The following NBEAL1 variants were observed in gnomAD, a reference collection of about 807,000 sequenced individuals.
NBEAL1 encodes neurobeachin-like protein 1.
NBEAL1 carries 273 observed loss-of-function variants against 351.3 expected under a neutral mutation model. The observed-to-expected ratio is 0.78, with a 90% CI of 0.70 to 0.86. NBEAL1 has a LOEUF of 0.86. Among genes scored for constraint, NBEAL1 ranks in the 40% least tolerant of loss-of-function variants. The probability of loss-of-function intolerance (pLI) is 0.00; values close to 1 mark genes in which losing one functional copy is unlikely to be tolerated. For synonymous variants in NBEAL1, 1,050 were observed against 1,086.4 expected (o/e 0.97, Z 0.66); for missense variants, 2,961 against 3,201.3 (o/e 0.92, Z 1.81).
intron 40 of NBEAL1, 118 bp from the exon 41 acceptor site, chr2:203,172,611 G>GA (rs1464219390): frequency 1.2e-5 from 10 of 853,506 alleles, no homozygotes; most frequent in Non-Finnish European, 1.5e-5. Context: ...TTACAACAGG[G>GA]AAAAAATATT....
chr2:203,211,709 A>G (rs1252293983), intron 54 of NBEAL1, among the ~76,000 whole-genome samples: 1 of 152,216 alleles, frequency 6.6e-6, no homozygotes, highest in Admixed American at 6.5e-5. Flanking sequence ...TGTATTATGG[A>G]TTTGGAAATT....
At position 203,209,096 on chromosome 2, in the gene NBEAL1, C is replaced by T. The variant is rs185593917; in HGVS notation, c.7624-65C>T. ...ACATTTCTTTATCTGGCCCACTCTA[C>T]TTTTATTCTTTTTTGCTGTTCTTTT... On this transcript the variant is annotated intron_variant, in intron 52 of 55. Coordinates refer to ENST00000683969, the MANE Select transcript of NBEAL1 (RefSeq NM_001378026.1). 841 of 1,343,910 alleles carry T rather than the reference C, an allele frequency of 6.3e-4. 5 individuals carry two copies. In the African/African-American group the frequency reaches 0.01, roughly 17 times the overall value. 83.2% of individuals were successfully genotyped at this position (1,343,910 alleles called of 1,614,324 possible).
chr2:203,184,386 G>A lies in NBEAL1; in HGVS notation c.6705+998G>A, dbSNP rs547199435. On this transcript the variant is annotated intron_variant, in intron 44 of 55. Coordinates refer to ENST00000683969, the MANE Select transcript of NBEAL1 (RefSeq NM_001378026.1). ...GCGGAGGTGACAATGAGCTGAGATCGCACCACTGCACTCCAGCCTGGGAGA... is the reference window on the plus strand; with the variant it reads ...GCGGAGGTGACAATGAGCTGAGATCACACCACTGCACTCCAGCCTGGGAGA... 3.3e-5 allele frequency among the ~76,000 whole-genome samples: 5 copies of A among 152,182 alleles called. No homozygotes were observed. The South Asian group carries it at 8.3e-4, about 25-fold the overall frequency.
intron 44 of NBEAL1, among the ~76,000 whole-genome samples, chr2:203,185,459 A>G (rs1267590218): frequency 6.6e-6 from 1 of 152,190 alleles, no homozygotes; most frequent in Non-Finnish European, 1.5e-5. Context: ...GCAAACCACC[A>G]TGGCATGTGT....
intron 49 of NBEAL1, among the ~76,000 whole-genome samples, chr2:203,200,114 C>T (rs1275211903): frequency 6.6e-6 from 1 of 152,210 alleles, no homozygotes; most frequent in Non-Finnish European, 1.5e-5. Context: ...CACAATGGCT[C>T]ACGCCTGTAA....
intron 2 of NBEAL1, among the ~76,000 whole-genome samples, chr2:203,018,724 C>G (rs945826639): frequency 4.6e-5 from 7 of 152,106 alleles, no homozygotes; most frequent in Non-Finnish European, 8.8e-5. Context: ...CCAATTTTGA[C>G]TATTACCAGC....
chr2:203,221,724 C>T lies in NBEAL1; in HGVS notation c.*4370C>T, dbSNP rs1258686643. ...GCTGAATTCGTATATTGTATATGCT[C>T]AACATATTATTTGTTTTAAACTTGA... On this transcript the variant is annotated 3_prime_UTR_variant, in exon 56 of 56. Transcript: ENST00000683969. Among the ~76,000 whole-genome samples, 1 of 152,136 alleles carries T rather than the reference C, an allele frequency of 6.6e-6. No homozygotes were observed. Among genetic ancestry groups the T allele is most frequent in the African/African-American group, 2.4e-5 (1 of 41,438 alleles).
intron 47 of NBEAL1, among the ~76,000 whole-genome samples, chr2:203,195,470 CA>C (rs1423150573): frequency 6.6e-6 from 1 of 151,962 alleles, no homozygotes; most frequent in African/African-American, 2.4e-5. Flanking sequence ...ACTCAGAACA[CA>C]AAAAAACAAT....
chr2:203,060,532 T>G (rs1036491494), intron 6 of NBEAL1, among the ~76,000 whole-genome samples: 9 of 152,168 alleles, frequency 5.9e-5, no homozygotes, highest in African/African-American at 2.2e-4. Flanking sequence ...TACATTTTAA[T>G]TCACCCAGAG....
intron 1 of NBEAL1, among the ~76,000 whole-genome samples, chr2:203,015,375 T>C (rs957682813): frequency 2.0e-4 from 30 of 152,226 alleles, no homozygotes; most frequent in African/African-American, 6.5e-4. Flanking sequence ...ACTTCCACTC[T>C]CCGAGGATTG....
intron 26 of NBEAL1, 56 bp downstream of exon 26, chr2:203,132,188 T>G: frequency 8.7e-7 from 1 of 1,147,506 alleles, no homozygotes; most frequent in Admixed American, 2.9e-5. Context: ...TCCTGTAAGT[T>G]TTTTTCATAC....
rs371992278 is a variant in NBEAL1, at chr2:203,220,171, A to G, written c.*2817A>G. On this transcript the variant is annotated 3_prime_UTR_variant, in exon 56 of 56. Transcript: ENST00000683969. ...GGACATTTCAATTGGTGAATATAGT[A>G]TCTCAAGTTGGCTCTTACAAAGTCT... is the stretch of plus-strand genomic sequence containing the variant. Among the ~76,000 whole-genome samples, 4 of 152,200 alleles carry G rather than the reference A, an allele frequency of 2.6e-5. No homozygotes were observed. Among genetic ancestry groups the G allele is most frequent in the African/African-American group, 9.6e-5 (4 of 41,470 alleles).
intron 55 of NBEAL1, 141 bp from the exon 56 acceptor site, chr2:203,217,112 C>A: frequency 1.8e-6 from 1 of 546,776 alleles, no homozygotes; most frequent in Non-Finnish European, 2.8e-6. Context: ...CCGTCTTTCT[C>A]TATTATTGAT....
intron 31 of NBEAL1, among the ~76,000 whole-genome samples, chr2:203,139,475 C>A (rs1410256398): frequency 6.8e-6 from 1 of 146,218 alleles, no homozygotes; most frequent in Non-Finnish European, 1.5e-5. Context: ...GTGTGTCTGG[C>A]TTCTGATTTA....
intron 24 of NBEAL1, among the ~76,000 whole-genome samples, chr2:203,130,097 G>C (rs1010070672): frequency 6.6e-6 from 1 of 152,158 alleles, no homozygotes; most frequent in Non-Finnish European, 1.5e-5. Context: ...GGGAAGTCGA[G>C]GCTGCAGTGA....
At chr2:203,076,346 A>G (rs1422268286) in intron 7 of NBEAL1, among the ~76,000 whole-genome samples, 1 of 151,888 alleles carries the variant, frequency 6.6e-6, no homozygotes. Flanking sequence ...TTAGATGGTC[A>G]TGGTAGCGTG....
At chr2:203,065,293 C>T (rs965335116) in intron 6 of NBEAL1, among the ~76,000 whole-genome samples, 2 of 152,116 alleles carry the variant, frequency 1.3e-5, no homozygotes, top group African/African-American at 4.8e-5. Flanking sequence ...AAAGTGTTAA[C>T]AGTGAACTTG....
intron 36 of NBEAL1, among the ~76,000 whole-genome samples, chr2:203,161,561 G>A (rs557563386): frequency 4.6e-5 from 7 of 151,782 alleles, no homozygotes; most frequent in South Asian, 2.1e-4. Context: ...CTCAGGAGGC[G>A]GAGGTTGCAG....
rs144673837 is a variant in NBEAL1, at chr2:203,049,685, G to T, written c.144-129G>T. 7 of 713,636 alleles carry T rather than the reference G, an allele frequency of 9.8e-6. No homozygotes were observed. The African/African-American group carries it at 1.3e-4, about 13-fold the overall frequency. 44.2% of individuals were successfully genotyped at this position (713,636 alleles called of 1,614,324 possible). A position where few individuals can be genotyped will look rare whatever the true frequency, so the allele number is the denominator to read the frequency against. Reference sequence around the variant, plus strand: ...CTACATCTGTGTTGCAGACGAGAAGGCACAGAGTATCTGGAATAAATAAAA... The same window carrying T: ...CTACATCTGTGTTGCAGACGAGAAGTCACAGAGTATCTGGAATAAATAAAA... On this transcript the variant is annotated intron_variant, in intron 3 of 55. Coordinates refer to ENST00000683969, the MANE Select transcript of NBEAL1 (RefSeq NM_001378026.1).
Sources: allele counts gnomAD v4.1 joint callset (sites outside exome capture counted in the v4.1 genomes callset), GRCh38; gene constraint gnomAD v4.1.1; transcripts MANE v1.5; gene names NCBI Gene and HGNC (gene_info 2026-07-23, HGNC 2026-07-21).